The following FRMPD4 variants were observed in gnomAD, a reference collection of about 807,000 sequenced individuals.
FRMPD4 encodes the protein FERM and PDZ domain containing 4.
In FRMPD4, 22 loss-of-function variants were observed where a neutral mutation model predicts 94.1. The ratio of observed to expected loss-of-function variants is 0.23; its 90% CI spans 0.17 to 0.33. FRMPD4 has a LOEUF of 0.33. Among genes scored for constraint, FRMPD4 ranks in the 10% least tolerant of loss-of-function variants. The probability of loss-of-function intolerance (pLI) is 1.00; values close to 1 mark genes in which losing one functional copy is unlikely to be tolerated. For synonymous variants in FRMPD4, 631 were observed against 548.6 expected (o/e 1.15, Z -2.10); for missense variants, 1,111 against 1,339.9 (o/e 0.83, Z 2.67).
At chrX:12,157,950 ATTTGTGTG>A (rs2055961216) in intron 1 of FRMPD4, among the ~76,000 whole-genome samples, 1 of 112,080 alleles carries the variant, frequency 8.9e-6, no homozygotes, top group African/African-American at 3.2e-5. Flanking sequence ...CTGTGTATGT[ATTTGTGTG>A]TTTGTGTGTA....
chrX:12,106,934 A>T (rs1490673869), intron 3 of FRMPD4, among the ~76,000 whole-genome samples: 2 of 112,150 alleles, frequency 1.8e-5, no homozygotes, highest in African/African-American at 6.5e-5. Flanking sequence ...ACCGCAGCTC[A>T]AGGAGGTCTG....
intron 3 of FRMPD4, among the ~76,000 whole-genome samples, chrX:12,012,401 T>A (rs1366008674): frequency 1.8e-5 from 2 of 112,100 alleles, no homozygotes; most frequent in Non-Finnish European, 3.8e-5. Flanking sequence ...AGTTCCCTTT[T>A]TTTCTAAGTC....
At chrX:12,353,613 G>T (rs62588611) in intron 1 of FRMPD4, among the ~76,000 whole-genome samples, 1 of 111,447 alleles carries the variant, frequency 9.0e-6, no homozygotes, top group Non-Finnish European at 1.9e-5. Flanking sequence ...TTTTGCATTC[G>T]TAATTTTGTG....
chrX:12,715,532 T>G (rs2042062623), intron 14 of FRMPD4, among the ~76,000 whole-genome samples: 1 of 112,080 alleles, frequency 8.9e-6, no homozygotes, highest in Non-Finnish European at 1.9e-5. Flanking sequence ...TTACAACATT[T>G]ATCTTAATTT....
At chrX:12,028,969 G>T (rs1433161975) in intron 3 of FRMPD4, among the ~76,000 whole-genome samples, 1 of 112,123 alleles carries the variant, frequency 8.9e-6, no homozygotes, top group Non-Finnish European at 1.9e-5. Context: ...TGTGGACATA[G>T]GTTCTCAACT....
intron 2 of FRMPD4, among the ~76,000 whole-genome samples, chrX:11,875,233 G>T (rs1357906483): frequency 8.9e-6 from 1 of 112,063 alleles, no homozygotes; most frequent in Non-Finnish European, 1.9e-5. Flanking sequence ...TCTGCTCATA[G>T]ATATTTTCTT....
chrX:12,044,174 AT>A (rs1050289458), intron 3 of FRMPD4, among the ~76,000 whole-genome samples: 1 of 112,088 alleles, frequency 8.9e-6, no homozygotes, highest in African/African-American at 3.2e-5. Context: ...TGTTCATATA[AT>A]TTTTTATGAT....
At chrX:12,491,368 T>C (rs936701425) in intron 1 of FRMPD4, among the ~76,000 whole-genome samples, 1 of 112,443 alleles carries the variant, frequency 8.9e-6, no homozygotes, top group African/African-American at 3.2e-5. Flanking sequence ...TTCTTGCCTA[T>C]GCACACAGAT....
intron 3 of FRMPD4, among the ~76,000 whole-genome samples, chrX:11,954,484 C>T (rs2054243659): frequency 9.0e-6 from 1 of 111,599 alleles, no homozygotes; most frequent in Admixed American, 9.5e-5. Flanking sequence ...CCGGTTAGCA[C>T]CACTTAAAAA....
intron 2 of FRMPD4, among the ~76,000 whole-genome samples, chrX:12,537,442 T>C (rs1170536341): frequency 9.5e-6 from 1 of 105,077 alleles, no homozygotes. Flanking sequence ...CAACAATATA[T>C]ATTTTTTTTT....
intron 4 of FRMPD4, among the ~76,000 whole-genome samples, chrX:12,645,422 C>T (rs2059539627): frequency 1.1e-5 from 1 of 91,588 alleles, no homozygotes; most frequent in Non-Finnish European, 2.1e-5. Flanking sequence ...ATGGCACAAT[C>T]TCAGCTCACC....
intron 1 of FRMPD4, among the ~76,000 whole-genome samples, chrX:12,221,028 A>C (rs761060852): frequency 4.5e-4 from 50 of 111,909 alleles, no homozygotes; most frequent in Non-Finnish European, 7.9e-4. Flanking sequence ...GTTCCTGAAA[A>C]AGTCCATGTA....
intron 2 of FRMPD4, among the ~76,000 whole-genome samples, chrX:12,542,897 A>G (rs2058432284): frequency 8.9e-6 from 1 of 112,124 alleles, no homozygotes; most frequent in Non-Finnish European, 1.9e-5. Context: ...AGAGATACAG[A>G]CCAATGGAAC....
intron 1 of FRMPD4, among the ~76,000 whole-genome samples, chrX:12,357,979 T>TC (rs1415328225): frequency 1.8e-5 from 2 of 112,060 alleles, no homozygotes; most frequent in African/African-American, 6.5e-5. Flanking sequence ...CTAGATGAAA[T>TC]CATACAAGAC....
intron 3 of FRMPD4, among the ~76,000 whole-genome samples, chrX:11,963,004 T>C (rs2074053): frequency 0.065 from 7,272 of 111,857 alleles, 262 homozygotes; most frequent in East Asian, 0.24. Context: ...TCATCACCAC[T>C]ACTAATAATA....
intron 3 of FRMPD4, among the ~76,000 whole-genome samples, chrX:12,019,138 C>A (rs2054619442): frequency 9.1e-6 from 1 of 109,840 alleles, no homozygotes; most frequent in Admixed American, 9.6e-5. Context: ...CACTTTACTG[C>A]CAAATGAGTT....
At chrX:12,709,475 T>C (rs914386771) in intron 13 of FRMPD4, among the ~76,000 whole-genome samples, 2 of 112,147 alleles carry the variant, frequency 1.8e-5, no homozygotes, top group Admixed American at 9.4e-5. Context: ...TCCAATTGTA[T>C]AATAACCTTA....
At chrX:12,560,426 T>C (rs1452482792) in intron 2 of FRMPD4, among the ~76,000 whole-genome samples, 1 of 105,125 alleles carries the variant, frequency 9.5e-6, no homozygotes, top group East Asian at 3.0e-4. Flanking sequence ...GACTTCATAA[T>C]GACACTTAAT....
intron 3 of FRMPD4, among the ~76,000 whole-genome samples, chrX:12,039,391 A>G (rs1269826111): frequency 9.1e-6 from 1 of 109,642 alleles, no homozygotes; most frequent in Non-Finnish European, 1.9e-5. Flanking sequence ...CTTTAGAGCT[A>G]TAAATTATCC....
Sources: allele counts gnomAD v4.1 joint callset (sites outside exome capture counted in the v4.1 genomes callset), GRCh38; gene constraint gnomAD v4.1.1; transcripts MANE v1.5; gene names NCBI Gene and HGNC (gene_info 2026-07-23, HGNC 2026-07-21).